CLCN1: variants seen among roughly 807,000 people sequenced by gnomAD.
CLCN1 encodes the protein chloride voltage-gated channel 1, also known as chloride channel protein 1.
In CLCN1, 100 loss-of-function variants were observed where a neutral mutation model predicts 114.5. The ratio of observed to expected loss-of-function variants is 0.87; its 90% CI spans 0.74 to 1.03. CLCN1 has a LOEUF of 1.03. Among genes scored for constraint, CLCN1 ranks in the 50% least tolerant of loss-of-function variants. CLCN1 has a pLI of 0.00. For synonymous variants in CLCN1, 485 were observed against 487.1 expected, an observed-to-expected ratio of 1.00 and a Z score of 0.06; for missense variants, 1,188 against 1,250.0, an observed-to-expected ratio of 0.95 and a Z score of 0.75.
At chr7:143,319,033 A>G (rs555807650) in intron 1 of CLCN1, among the ~76,000 whole-genome samples, 1 of 152,276 alleles carries the variant, frequency 6.6e-6, no homozygotes, top group South Asian at 2.1e-4. Context: ...GAGCTCTTGT[A>G]TACCCCACAC....
At position 143,350,780 on chromosome 7, in the gene CLCN1, CTT is replaced by C. The variant is rs35882576; in HGVS notation, c.2595+139_2595+140del. On this transcript the variant is annotated intron_variant, in intron 22 of 22. Transcript: ENST00000343257. The surrounding 1 kb of genome is among the most constrained non-coding windows in gnomAD (Gnocchi z 5.1). ...CTCAGATTCCCTTCTCTATTTCTTTCTTTTTTTTTTTTTTGAGACAGAGTTTC... is the reference window on the plus strand; with the variant it reads ...CTCAGATTCCCTTCTCTATTTCTTTCTTTTTTTTTTTTGAGACAGAGTTTC... The C allele has an allele frequency of 0.057, 33,902 of 594,880 alleles. 867 individuals carry two copies. Among genetic ancestry groups the C allele is most frequent in the African/African-American group, 0.19 (9,573 of 51,604 alleles). 36.9% of individuals were successfully genotyped at this position (594,880 alleles called of 1,614,324 possible). A position where few individuals can be genotyped will look rare whatever the true frequency, so the allele number is the denominator to read the frequency against.
At chr7:143,325,675 G>A (rs977217597) in intron 7 of CLCN1, among the ~76,000 whole-genome samples, 1 of 152,140 alleles carries the variant, frequency 6.6e-6, no homozygotes, top group South Asian at 2.1e-4. Flanking sequence ...AATATTTTTA[G>A]ACTGGGAGAC....
chr7:143,346,898 C>T lies in CLCN1; in HGVS notation c.2365-13C>T. On this transcript the variant is annotated splice_polypyrimidine_tract_variant and intron_variant, in intron 19 of 22. Coordinates refer to ENST00000343257, the MANE Select transcript of CLCN1 (RefSeq NM_000083.3). ...AAAGGGAAAGAACTTGGACCTATGT[C>T]TTTCTTCTCTAGGATTCCACAGATT... 1 of 1,613,056 alleles carries T rather than the reference C, an allele frequency of 6.2e-7. No individual in the cohort carries two copies. Among genetic ancestry groups the T allele is most frequent in the Non-Finnish European group, 8.5e-7 (1 of 1,179,038 alleles).
At chr7:143,338,178 A>G (rs931327951) in intron 12 of CLCN1, among the ~76,000 whole-genome samples, 2 of 151,990 alleles carry the variant, frequency 1.3e-5, no homozygotes, top group African/African-American at 4.8e-5. Flanking sequence ...AAATGCACAT[A>G]TTGCTTTTTG....
At chr7:143,343,786 CTT>C (rs1417992824) in intron 16 of CLCN1, among the ~76,000 whole-genome samples, 2 of 150,934 alleles carry the variant, frequency 1.3e-5, no homozygotes, top group Non-Finnish European at 3.0e-5. Context: ...CTCTCTCTCT[CTT>C]TCTCTCTCCC....
rs574259784 is a variant in CLCN1, at chr7:143,321,458, C to A, written c.527C>A (p.Ala176Asp). 3.2e-5 allele frequency: 51 copies of A among 1,614,172 alleles called. 1 individual carries two copies. In the South Asian group the frequency reaches 5.5e-4, roughly 17 times the overall value. ...CCACTAGTCCTCATCCTCTTCAGCG[C>A]CCTCTTCTGCCACCTCATCTCTCCC... ...TFPLVLILFS[A>D]LFCHLISPQA... Residue 176 changes from alanine to aspartate, a missense_variant, in exon 4 of 23, where the codon GCC becomes GAC. Transcript: ENST00000343257. The surrounding 1 kb of genome is among the most constrained non-coding windows in gnomAD (Gnocchi z 4.2).
intron 7 of CLCN1, among the ~76,000 whole-genome samples, chr7:143,325,156 A>C (rs1362037381): frequency 6.6e-6 from 1 of 152,230 alleles, no homozygotes; most frequent in Non-Finnish European, 1.5e-5. Context: ...CTGTTTATTG[A>C]CTCATCAAAA....
In CLCN1 at chr7:143,345,416, C is replaced by A; in HGVS notation, c.1931-105C>A. On this transcript the variant is annotated intron_variant, in intron 16 of 22. Coordinates refer to ENST00000343257, the MANE Select transcript of CLCN1 (RefSeq NM_000083.3). ...CAGGAAGCTGAGAAAGATGTGGGGA[C>A]GCCGGGCAGGGTGGCGCCTCTCCTG... 3 of 1,365,336 alleles carry A rather than the reference C, an allele frequency of 2.2e-6. No homozygotes were observed. The South Asian group carries it at 4.8e-5, about 22-fold the overall frequency. The allele number at this position is 1,365,336 out of a possible 1,614,324, so 84.6% of individuals were successfully genotyped here. A position where few individuals can be genotyped will look rare whatever the true frequency, so the allele number is the denominator to read the frequency against.
chr7:143,339,290 C>A lies in CLCN1; in HGVS notation c.1439C>A (p.Pro480His), dbSNP rs80356694. 1 of 1,613,162 alleles carries A rather than the reference C, an allele frequency of 6.2e-7. No homozygotes were observed. Among genetic ancestry groups the A allele is most frequent in the Non-Finnish European group, 8.5e-7 (1 of 1,179,070 alleles). The change falls in exon 13 of 23, where the codon CCC becomes CAC. Residue 480 changes from proline (P) to histidine (H), a missense_variant. Transcript: ENST00000343257. The surrounding 1 kb of genome is among the most constrained non-coding windows in gnomAD (Gnocchi z 4.1). Reference protein sequence around the residue: ...MSIVATTMPIPCGGFMPVFVL... With the variant: ...MSIVATTMPIHCGGFMPVFVL... Reference sequence around the variant, plus strand: ...ATCGTGGCCACCACTATGCCCATACCCTGCGGAGGCTTCATGCCTGTGTTT... The same window carrying A: ...ATCGTGGCCACCACTATGCCCATACACTGCGGAGGCTTCATGCCTGTGTTT...
At chr7:143,328,940 G>A (rs1802646887) in intron 7 of CLCN1, among the ~76,000 whole-genome samples, 1 of 150,726 alleles carries the variant, frequency 6.6e-6, no homozygotes, top group African/African-American at 2.4e-5. Context: ...ACTGTACTAG[G>A]TGCTGGTTTT....
intron 7 of CLCN1, among the ~76,000 whole-genome samples, chr7:143,326,560 T>G (rs1436322948): frequency 6.6e-6 from 1 of 152,042 alleles, no homozygotes; most frequent in African/African-American, 2.4e-5. Flanking sequence ...TAAAGTGCAG[T>G]GGGGACCTTA....
At position 143,339,455 on chromosome 7, in the gene CLCN1, T is replaced by A. The variant is rs6464542; in HGVS notation, c.1472-56T>A. On this transcript the variant is annotated intron_variant, in intron 13 of 22. Coordinates refer to ENST00000343257, the MANE Select transcript of CLCN1 (RefSeq NM_000083.3). The surrounding 1 kb of genome is among the most constrained non-coding windows in gnomAD (Gnocchi z 4.1). ...CCAAGGAGAGATTGGTTCTGAAAAC[T>A]GAGAGCAAGGAACTTGGATCTCGTA... The A allele has an allele frequency of 0.41, 606,421 of 1,463,600 alleles. 127,790 individuals are homozygous for A. The highest frequency in any genetic ancestry group is 0.56 in the African/African-American group (40,277 of 71,758). The allele number at this position is 1,463,600 out of a possible 1,614,324, so 90.7% of individuals were successfully genotyped here.
At position 143,332,452 on chromosome 7, in the gene CLCN1, C is replaced by G; in HGVS notation, c.1200C>G (p.Val400=). ...TGTATCCTGGAATTGTTACCTTTGT[C>G]ATTGCCTCATTCACCTTCCCACCAG... ...RLLYPGIVTF[V]IASFTFPPGM... Residue 400 remains valine (V), a synonymous_variant, in exon 11 of 23, where the codon GTC becomes GTG. Transcript: ENST00000343257. 6.2e-7 allele frequency: 1 copy of G among 1,614,114 alleles called. No homozygotes were observed. The highest frequency in any genetic ancestry group is 2.2e-5 in the East Asian group (1 of 44,876).
chr7:143,322,379 C>T (rs540528665), intron 5 of CLCN1, among the ~76,000 whole-genome samples: 1 of 152,336 alleles, frequency 6.6e-6, no homozygotes, highest in African/African-American at 2.4e-5. Flanking sequence ...TCCTTCCGTT[C>T]TCTGCTGGTG....
chr7:143,334,343 T>C (rs6971222), intron 12 of CLCN1, among the ~76,000 whole-genome samples: 134,956 of 152,168 alleles, frequency 0.89, 60,005 homozygotes, highest in African/African-American at 0.94. Context: ...ATAAGTCTGT[T>C]CATACTGAAC....
At position 143,350,628 on chromosome 7, in the gene CLCN1, C is replaced by T; in HGVS notation, c.2569C>T (p.Leu857Phe). The change falls in exon 22 of 23, where the codon CTC becomes TTC. Residue 857 changes from leucine to phenylalanine, a missense_variant. Coordinates refer to ENST00000343257, the MANE Select transcript of CLCN1 (RefSeq NM_000083.3). The surrounding 1 kb of genome is among the most constrained non-coding windows in gnomAD (Gnocchi z 5.1). ...CGCTTACGTGACCAGCATGGGGAAG[C>T]TCAGGGGCGTCCTGGCCCTGGAGGA... ...HLAYVTSMGK[L>F]RGVLALEELQ... 2 of 1,614,132 alleles carry T rather than the reference C, an allele frequency of 1.2e-6. No homozygotes were observed. The highest frequency in any genetic ancestry group is 1.7e-6 in the Non-Finnish European group (2 of 1,180,006).
intron 10 of CLCN1, 61 bp downstream of exon 10, chr7:143,331,713 C>G (rs1802729841): frequency 8.3e-7 from 1 of 1,207,512 alleles, no homozygotes; most frequent in Non-Finnish European, 1.2e-6. Context: ...AAGAGTTCCT[C>G]CCTTTTTGTC....
intron 20 of CLCN1, 45 bp downstream of exon 20, chr7:143,346,994 T>A: frequency 6.7e-7 from 1 of 1,488,108 alleles, no homozygotes; most frequent in Non-Finnish European, 9.4e-7. Flanking sequence ...TTCTATCAAA[T>A]GAAGATATTG....
At chr7:143,342,740 G>A (rs976525376) in intron 16 of CLCN1, among the ~76,000 whole-genome samples, 2 of 152,100 alleles carry the variant, frequency 1.3e-5, no homozygotes, top group Non-Finnish European at 2.9e-5. Flanking sequence ...AGGCCGAGGT[G>A]GGCAGATCAC....
Sources: allele counts gnomAD v4.1 joint callset (sites outside exome capture counted in the v4.1 genomes callset), GRCh38; gene constraint gnomAD v4.1.1; non-coding constraint Gnocchi (gnomAD v3.1); transcripts MANE v1.5; gene names NCBI Gene and HGNC (gene_info 2026-07-23, HGNC 2026-07-21).